The following TMEM39B variants were observed in gnomAD, a reference collection of about 807,000 sequenced individuals.
The protein encoded by TMEM39B is transmembrane protein 39B.
TMEM39B carries 23 observed loss-of-function variants against 52.2 expected under a neutral mutation model. The ratio of observed to expected loss-of-function variants is 0.44; its 90% CI spans 0.32 to 0.62. The LOEUF (loss-of-function observed/expected upper bound fraction) is 0.62, where lower values mean the gene tolerates loss of function less well. Ranked by LOEUF, TMEM39B falls within the 20% of genes least tolerant of loss-of-function variation. TMEM39B has a pLI of 0.06. For missense variants in TMEM39B, 547 were observed against 642.0 expected (o/e 0.85, Z 1.60); for synonymous variants, 285 against 264.0 (o/e 1.08, Z -0.77).
At chr1:32,072,838 C>T (rs1385522238), upstream of TMEM39B, 4 of 570,156 alleles carry the variant, frequency 7.0e-6, no homozygotes, top group African/African-American at 4.0e-5. Context: ...ACAAAGAGCG[C>T]GCAGGCACCG....
intron 5 of TMEM39B, 114 bp downstream of exon 5, chr1:32,077,432 C>T: frequency 7.8e-7 from 1 of 1,285,304 alleles, no homozygotes; most frequent in East Asian, 2.4e-5. Context: ...CAGGCAGCAA[C>T]ATCCTCTCAC....
At chr1:32,078,102 C>T (rs1639942252) in intron 5 of TMEM39B, among the ~76,000 whole-genome samples, 1 of 152,108 alleles carries the variant, frequency 6.6e-6, no homozygotes, top group South Asian at 2.1e-4. Flanking sequence ...AGAGCTGGCA[C>T]CTCCCCCTTT....
upstream of TMEM39B, chr1:32,072,831 A>G (rs1639691790): frequency 3.6e-6 from 2 of 561,494 alleles, no homozygotes; most frequent in South Asian, 2.1e-5. Context: ...CCGAGAGACA[A>G]AGAGCGCGCA....
upstream of TMEM39B, chr1:32,072,756 A>T (rs1639689765): frequency 1.8e-5 from 9 of 496,716 alleles, no homozygotes; most frequent in Non-Finnish European, 3.2e-5. Flanking sequence ...GAAGAGCAGG[A>T]GGTGGGTTCC....
At chr1:32,101,746 C>CTG (rs1339522626) in intron 8 of TMEM39B, among the ~76,000 whole-genome samples, 3 of 152,218 alleles carry the variant, frequency 2.0e-5, no homozygotes, top group Non-Finnish European at 4.4e-5. Context: ...CCTACCACTT[C>CTG]TCCTGTCCTG....
At chr1:32,091,114 C>T (rs1357454036) in intron 5 of TMEM39B, among the ~76,000 whole-genome samples, 1 of 152,096 alleles carries the variant, frequency 6.6e-6, no homozygotes, top group Non-Finnish European at 1.5e-5. Flanking sequence ...ACTAATTACT[C>T]ATAATGATTT....
chr1:32,072,917 G>GGCGCGGCGGGAGC, upstream of TMEM39B: 1 of 1,253,094 alleles, frequency 8.0e-7, no homozygotes, highest in Non-Finnish European at 1.1e-6. Context: ...CAAATGTAGC[G>GGCGCGGCGGGAGC]GCGCGGCGGG....
At chr1:32,090,172 C>T (rs1640545058) in intron 5 of TMEM39B, among the ~76,000 whole-genome samples, 1 of 152,054 alleles carries the variant, frequency 6.6e-6, no homozygotes, top group African/African-American at 2.4e-5. Context: ...ATAAAAGCCC[C>T]TACTATGATG....
intron 1 of TMEM39B, 66 bp downstream of exon 1, chr1:32,073,117 C>A: frequency 7.2e-7 from 1 of 1,380,458 alleles, no homozygotes; most frequent in Non-Finnish European, 9.4e-7. Flanking sequence ...GGCCAGGCTG[C>A]TAATTGCTGC....
intron 5 of TMEM39B, chr1:32,087,052 A>G (rs1305599866): frequency 6.6e-6 from 1 of 152,178 alleles, no homozygotes; most frequent in Non-Finnish European, 1.5e-5. Context: ...GCAGTGAGCC[A>G]TGATTATGCC....
At chr1:32,094,349 A>G (rs1024173912) in intron 6 of TMEM39B, among the ~76,000 whole-genome samples, 1 of 117,442 alleles carries the variant, frequency 8.5e-6, no homozygotes, top group African/African-American at 3.3e-5. Flanking sequence ...CTGGTCTCAA[A>G]CTCCTGATCT....
intron 3 of TMEM39B, chr1:32,076,459 A>G (rs1639864671): frequency 4.2e-6 from 2 of 473,538 alleles, no homozygotes; most frequent in Non-Finnish European, 8.0e-6. Flanking sequence ...ACAGGGATAC[A>G]TGAGTGCTTC....
Position 32,082,440 on chromosome 1 carries a change from CTTTA to C in TMEM39B, c.590+5134_590+5137del, listed in dbSNP as rs1004652360. ...GTTACAGAGTTACAGTCTTGGACCT[CTTTA>C]TTTATTTATTTTTATTTTTATTTTT... On this transcript the variant is annotated intron_variant, in intron 5 of 8. Coordinates refer to ENST00000336294, the MANE Select transcript of TMEM39B (RefSeq NM_018056.4). 9.2e-5 allele frequency among the ~76,000 whole-genome samples: 14 copies of C among 152,020 alleles called. No homozygotes were observed. In the East Asian group the frequency reaches 1.9e-3, roughly 21 times the overall value.
upstream of TMEM39B, chr1:32,072,790 TCAC>T: frequency 1.9e-6 from 1 of 538,162 alleles, no homozygotes; most frequent in Non-Finnish European, 3.3e-6. Flanking sequence ...TTGAGTCTCT[TCAC>T]CAGCAGCTGC....
At chr1:32,089,828 A>G (rs924548952) in intron 5 of TMEM39B, among the ~76,000 whole-genome samples, 2 of 151,766 alleles carry the variant, frequency 1.3e-5, no homozygotes, top group African/African-American at 4.8e-5. Flanking sequence ...TCAGGAGTTC[A>G]AGACCAGCGT....
intron 5 of TMEM39B, among the ~76,000 whole-genome samples, chr1:32,089,961 G>A (rs1260598801): frequency 1.3e-5 from 2 of 151,580 alleles, no homozygotes; most frequent in Non-Finnish European, 2.9e-5. Flanking sequence ...CCCAGGAGGC[G>A]GAGGTTGCAG....
At chr1:32,091,510 T>C (rs188863364) in intron 5 of TMEM39B, among the ~76,000 whole-genome samples, 165 bp from the exon 6 acceptor site, 2 of 152,206 alleles carry the variant, frequency 1.3e-5, no homozygotes, top group Non-Finnish European at 2.9e-5. Context: ...GCTGAGTGAC[T>C]GGCCATTGGA....
intron 5 of TMEM39B, among the ~76,000 whole-genome samples, chr1:32,086,633 A>G (rs1207248138): frequency 6.6e-6 from 1 of 151,724 alleles, no homozygotes; most frequent in East Asian, 1.9e-4. Context: ...TGGGCATGGT[A>G]GCCTGCACCT....
At chr1:32,087,909 A>C (rs1295414861) in intron 5 of TMEM39B, 1 of 150,386 alleles carries the variant, frequency 6.6e-6, no homozygotes, top group African/African-American at 2.4e-5. Context: ...CAGCCTCCCT[A>C]AGTGCTGGGA....
Sources: gnomAD v4.1 joint callset for allele counts (sites outside exome capture counted in the v4.1 genomes callset) on GRCh38, gnomAD v4.1.1 for gene constraint, MANE v1.5 for transcripts, NCBI Gene and HGNC (gene_info 2026-07-23, HGNC 2026-07-21) for gene names.